The following NSMCE2 variants were observed in gnomAD, a reference collection of about 807,000 sequenced individuals.
NSMCE2 encodes the protein E3 SUMO-protein ligase NSE2.
NSMCE2 carries 24 observed loss-of-function variants against 23.8 expected under a neutral mutation model. The observed-to-expected ratio is 1.01, with a 90% CI of 0.73 to 1.42. The LOEUF (loss-of-function observed/expected upper bound fraction) is 1.42. Among genes scored for constraint, NSMCE2 ranks in the 40% most tolerant of loss-of-function variants. The probability of loss-of-function intolerance (pLI) is 0.00; values close to 1 mark genes in which losing one functional copy is unlikely to be tolerated. For missense variants in NSMCE2, 284 were observed against 296.5 expected (o/e 0.96, Z 0.31); for synonymous variants, 92 against 94.1 (o/e 0.98, Z 0.13).
chr8:125,320,274 AAGG>A (rs1353333937), intron 5 of NSMCE2, among the ~76,000 whole-genome samples: 47 of 82,380 alleles, frequency 5.7e-4, no homozygotes, highest in African/African-American at 1.7e-3. Context: ...GGAAGGAAGG[AAGG>A]AAGGAAGGAA....
In NSMCE2 at chr8:125,355,121, A is replaced by T. The variant is rs188801502; in HGVS notation, c.419-2098A>T. Among the ~76,000 whole-genome samples, 365 of 152,288 alleles carry T rather than the reference A, an allele frequency of 2.4e-3. 2 individuals are homozygous for T. The highest frequency in any genetic ancestry group is 8.5e-3 in the African/African-American group (352 of 41,546). ...CGAAATCCGAAACACTTCTGGTCCCAAGCATTTCGGATAAGGGATACTCAA... is the reference window on the plus strand; with the variant it reads ...CGAAATCCGAAACACTTCTGGTCCCTAGCATTTCGGATAAGGGATACTCAA... On this transcript the variant is annotated intron_variant, in intron 5 of 7. Coordinates refer to ENST00000287437, the MANE Select transcript of NSMCE2 (RefSeq NM_173685.4).
chr8:125,158,686 C>T (rs1248032953), intron 4 of NSMCE2, among the ~76,000 whole-genome samples: 1 of 151,972 alleles, frequency 6.6e-6, no homozygotes, highest in Non-Finnish European at 1.5e-5. Context: ...AGCATTAAAC[C>T]TTTATTTTAG....
intron 5 of NSMCE2, among the ~76,000 whole-genome samples, chr8:125,201,232 C>T (rs937120590): frequency 3.9e-5 from 6 of 152,198 alleles, no homozygotes; most frequent in Non-Finnish European, 7.3e-5. Flanking sequence ...AGCTGTGATC[C>T]GTTGGAGGAG....
chr8:125,276,577 A>G (rs1306254338), intron 5 of NSMCE2, among the ~76,000 whole-genome samples: 2 of 151,490 alleles, frequency 1.3e-5, no homozygotes, highest in African/African-American at 4.8e-5. Context: ...GCATATGGTT[A>G]TTATATCTGA....
chr8:125,211,381 ACTTTG>A (rs1563721812), intron 5 of NSMCE2, among the ~76,000 whole-genome samples: 1 of 152,204 alleles, frequency 6.6e-6, no homozygotes, highest in Non-Finnish European at 1.5e-5. Flanking sequence ...ACTCTGTTCT[ACTTTG>A]CTTTGTTCAC....
At chr8:125,094,319 TAGAGTC>T (rs1308883048) in intron 1 of NSMCE2, 1 of 152,218 alleles carries the variant, frequency 6.6e-6, no homozygotes, top group African/African-American at 2.4e-5. Context: ...AAGGTGCTGT[TAGAGTC>T]AGAGAAAGGA....
rs944995531 is a variant in NSMCE2, at chr8:125,366,911, C to T, written c.*26C>T. ...GAAAAGCCACCTGCCTGCAGGGACA[C>T]CAGCAGCCTACCTCCTACCCCAGCT... On this transcript the variant is annotated 3_prime_UTR_variant, in exon 8 of 8. Coordinates refer to ENST00000287437, the MANE Select transcript of NSMCE2 (RefSeq NM_173685.4). 7.6e-7 allele frequency: 1 copy of T among 1,311,606 alleles called. No homozygotes were observed. The highest frequency in any genetic ancestry group is 1.7e-5 in the Admixed American group (1 of 59,532). 81.2% of individuals were successfully genotyped at this position (1,311,606 alleles called of 1,614,324 possible).
chr8:125,336,509 C>A lies in NSMCE2; in HGVS notation c.419-20710C>A, dbSNP rs567837469. Among the ~76,000 whole-genome samples the A allele has an allele frequency of 1.3e-3, 193 of 152,244 alleles. 2 individuals are homozygous for A. Among genetic ancestry groups the A allele is most frequent in the Non-Finnish European group, 2.3e-3 (154 of 68,024 alleles). The stretch of plus-strand genomic sequence containing the variant: ...AAGGAGGATTGGTTATATGCAGAGT[C>A]AGAAGCTATGAGAGGATGATGAGGA... On this transcript the variant is annotated intron_variant, in intron 5 of 7. Transcript: ENST00000287437.
chr8:125,355,376 A>G (rs1297816406), intron 5 of NSMCE2, among the ~76,000 whole-genome samples: 1 of 152,204 alleles, frequency 6.6e-6, no homozygotes, highest in Non-Finnish European at 1.5e-5. Context: ...GGAAGGAGAA[A>G]GGACTACACC....
In NSMCE2 at chr8:125,231,456, T is replaced by C. The variant is rs2130946763; in HGVS notation, c.418+49200T>C. Among the ~76,000 whole-genome samples the C allele has an allele frequency of 2.0e-5, 3 of 152,344 alleles. No homozygotes were observed. The South Asian group carries it at 6.2e-4, about 32-fold the overall frequency. On this transcript the variant is annotated intron_variant, in intron 5 of 7. Coordinates refer to ENST00000287437, the MANE Select transcript of NSMCE2 (RefSeq NM_173685.4). ...GTTCTGCCACTTTAGTAGTGATACA[T>C]CTCAGAGATCAACCTCTTTAATGCC...
intron 4 of NSMCE2, among the ~76,000 whole-genome samples, chr8:125,175,497 A>G (rs1822441596): frequency 6.6e-6 from 1 of 152,190 alleles, no homozygotes; most frequent in Non-Finnish European, 1.5e-5. Context: ...TCATTTCCTA[A>G]ATGTAAATCA....
chr8:125,189,653 A>T (rs753652191), intron 5 of NSMCE2, among the ~76,000 whole-genome samples: 1 of 152,248 alleles, frequency 6.6e-6, no homozygotes, highest in Non-Finnish European at 1.5e-5. Flanking sequence ...TCCTCTCAAT[A>T]CATCATCAGT....
At chr8:125,163,960 T>C (rs1341768855) in intron 4 of NSMCE2, among the ~76,000 whole-genome samples, 1 of 152,222 alleles carries the variant, frequency 6.6e-6, no homozygotes, top group Non-Finnish European at 1.5e-5. Context: ...GTATGAATAT[T>C]AGCTTGGAGT....
chr8:125,122,172 CAAAAAAAAAA>C (rs796879544), intron 3 of NSMCE2, among the ~76,000 whole-genome samples: 2 of 45,976 alleles, frequency 4.4e-5, no homozygotes, highest in Non-Finnish European at 8.1e-5. Context: ...CTGGCTGAGC[CAAAAAAAAAA>C]AAAAAAAAAA....
rs1002690811 is a variant in NSMCE2, at chr8:125,186,802, C to G, written c.418+4546C>G. Among the ~76,000 whole-genome samples, 16 of 152,208 alleles carry G rather than the reference C, an allele frequency of 1.1e-4. No individual in the cohort carries two copies. The Middle Eastern group carries it at 0.02, about 194-fold the overall frequency. On this transcript the variant is annotated intron_variant, in intron 5 of 7. Transcript: ENST00000287437. ...GGAAAGGAGAGGGCAGTACAGATGT[C>G]TAGTATTTACCATCCCCAGAATACA...
chr8:125,351,620 A>G (rs1228320163), intron 5 of NSMCE2, among the ~76,000 whole-genome samples: 1 of 152,184 alleles, frequency 6.6e-6, no homozygotes, highest in Admixed American at 6.5e-5. Flanking sequence ...TAGTTAGGAA[A>G]ATTTTGTAAC....
At position 125,119,820 on chromosome 8, in the gene NSMCE2, G is replaced by A. The variant is rs1014738951; in HGVS notation, c.157+17333G>A. Among the ~76,000 whole-genome samples, 9 of 151,998 alleles carry A rather than the reference G, an allele frequency of 5.9e-5. No individual in the cohort carries two copies. The East Asian group carries it at 1.7e-3, about 29-fold the overall frequency. The stretch of plus-strand genomic sequence containing the variant: ...CTAGAGAAGATTATTTTATTATCCA[G>A]ACCTATTTTTTCTCCCTCTTCTTTC... On this transcript the variant is annotated intron_variant, in intron 3 of 7. Coordinates refer to ENST00000287437, the MANE Select transcript of NSMCE2 (RefSeq NM_173685.4).
intron 5 of NSMCE2, among the ~76,000 whole-genome samples, 166 bp from the exon 6 acceptor site, chr8:125,357,053 C>T (rs1813311413): frequency 6.6e-6 from 1 of 152,150 alleles, no homozygotes; most frequent in African/African-American, 2.4e-5. Context: ...GAATGAGGTA[C>T]CCCGTAGTGT....
chr8:125,122,419 A>G (rs1225201625), intron 3 of NSMCE2, among the ~76,000 whole-genome samples: 1 of 152,156 alleles, frequency 6.6e-6, no homozygotes, highest in Non-Finnish European at 1.5e-5. Flanking sequence ...ACCCTTGAGC[A>G]TAACTTACAG....
Sources: gnomAD v4.1 joint callset for allele counts (sites outside exome capture counted in the v4.1 genomes callset) on GRCh38, gnomAD v4.1.1 for gene constraint, MANE v1.5 for transcripts, NCBI Gene and HGNC (gene_info 2026-07-23, HGNC 2026-07-21) for gene names.